The following XRCC4 variants were observed in gnomAD, a reference collection of about 807,000 sequenced individuals.
XRCC4 encodes the protein X-ray repair cross complementing 4.
Under a neutral mutation model 39.1 loss-of-function variants are expected in XRCC4, and 28 were observed. The ratio of observed to expected loss-of-function variants is 0.72; its 90% CI spans 0.53 to 0.98. The LOEUF (loss-of-function observed/expected upper bound fraction) is 0.98. Among genes scored for constraint, XRCC4 ranks in the 50% least tolerant of loss-of-function variants. The pLI is 0.00. For synonymous variants in XRCC4, 123 were observed against 126.4 expected (o/e 0.97, Z 0.18); for missense variants, 350 against 376.4 (o/e 0.93, Z 0.58).
At chr5:83,276,297 G>A (rs1754330470) in intron 7 of XRCC4, among the ~76,000 whole-genome samples, 2 of 152,208 alleles carry the variant, frequency 1.3e-5, no homozygotes, top group African/African-American at 4.8e-5. Context: ...AAGCTATGAT[G>A]TTTGGTAGAT....
At chr5:83,275,174 G>A (rs1056574119) in intron 7 of XRCC4, among the ~76,000 whole-genome samples, 4 of 152,126 alleles carry the variant, frequency 2.6e-5, no homozygotes, top group Admixed American at 6.5e-5. Flanking sequence ...GGAATCAGGA[G>A]GATTCCTATA....
rs181561181 is a variant in XRCC4 at position 83,078,367 on chromosome 5, C to T, written c.-11+752C>T. On this transcript the variant is annotated intron_variant, in intron 1 of 7. Coordinates refer to ENST00000396027, the MANE Select transcript of XRCC4 (RefSeq NM_003401.5). The stretch of plus-strand genomic sequence containing the variant: ...AAATGAGAGTTTTTCACTCTTTGCC[C>T]CCTTATGGCAAGCTTTTGGTTCTAA... 2.3e-4 allele frequency among the ~76,000 whole-genome samples: 35 copies of T among 152,256 alleles called. No individual in the cohort carries two copies. The East Asian group carries it at 6.7e-3, about 29-fold the overall frequency.
At chr5:83,268,209 G>A (rs909580106) in intron 7 of XRCC4, among the ~76,000 whole-genome samples, 1 of 152,214 alleles carries the variant, frequency 6.6e-6, no homozygotes, top group Non-Finnish European at 1.5e-5. Flanking sequence ...AGAAACATTC[G>A]AGGTTGCTAT....
chr5:83,220,886 T>C (rs1277153253), intron 6 of XRCC4, among the ~76,000 whole-genome samples: 1 of 152,204 alleles, frequency 6.6e-6, no homozygotes. Flanking sequence ...TGTTGATCCT[T>C]TCTGCGAACT....
intron 1 of XRCC4, among the ~76,000 whole-genome samples, chr5:83,102,635 T>A (rs1745995083): frequency 1.3e-5 from 2 of 152,120 alleles, no homozygotes; most frequent in South Asian, 4.1e-4. Flanking sequence ...TAAGCTTGGT[T>A]AACTACCATT....
intron 1 of XRCC4, among the ~76,000 whole-genome samples, chr5:83,080,872 A>G (rs4266384): frequency 0.43 from 66,090 of 152,142 alleles, 14,758 homozygotes; most frequent in South Asian, 0.53. Context: ...TAAGGAAGAA[A>G]AGAAATCCTA....
At chr5:83,220,263 A>G (rs1160742743) in intron 6 of XRCC4, among the ~76,000 whole-genome samples, 1 of 152,156 alleles carries the variant, frequency 6.6e-6, no homozygotes, top group African/African-American at 2.4e-5. Context: ...ACAGCAAACC[A>G]TGACTGAGTT....
intron 3 of XRCC4, among the ~76,000 whole-genome samples, chr5:83,189,357 T>G (rs558812109): frequency 4.6e-5 from 7 of 152,282 alleles, no homozygotes; most frequent in African/African-American, 9.6e-5. Flanking sequence ...TAAATAAGAA[T>G]TCTTAGATGA....
At chr5:83,129,682 G>A (rs1747463743) in intron 3 of XRCC4, among the ~76,000 whole-genome samples, 1 of 151,904 alleles carries the variant, frequency 6.6e-6, no homozygotes, top group African/African-American at 2.4e-5. Context: ...CCTTGAAGAG[G>A]TCCTTCGCAT....
intron 6 of XRCC4, among the ~76,000 whole-genome samples, chr5:83,209,239 T>C (rs1009195140): frequency 6.6e-6 from 1 of 151,986 alleles, no homozygotes; most frequent in African/African-American, 2.4e-5. Context: ...AGGAGAAACA[T>C]TGTTAAACTA....
chr5:83,160,381 A>C (rs1305142129), intron 3 of XRCC4, among the ~76,000 whole-genome samples: 1 of 152,138 alleles, frequency 6.6e-6, no homozygotes, highest in Admixed American at 6.5e-5. Flanking sequence ...ATCTATTATT[A>C]ATTATAATTT....
chr5:83,332,266 C>G (rs953423287), intron 7 of XRCC4, among the ~76,000 whole-genome samples: 7 of 146,150 alleles, frequency 4.8e-5, no homozygotes, highest in South Asian at 2.1e-4. Flanking sequence ...CACACACACA[C>G]AGAAAGAGAG....
intron 4 of XRCC4, among the ~76,000 whole-genome samples, chr5:83,196,202 C>A (rs1234924343): frequency 2.0e-5 from 3 of 151,798 alleles, no homozygotes; most frequent in Non-Finnish European, 2.9e-5. Flanking sequence ...CCCATTAATA[C>A]TAATAAAAGA....
chr5:83,082,265 C>T (rs1744978288), intron 1 of XRCC4, among the ~76,000 whole-genome samples: 1 of 152,034 alleles, frequency 6.6e-6, no homozygotes, highest in African/African-American at 2.4e-5. Flanking sequence ...TGTGTATTTA[C>T]ATGTAAGATT....
chr5:83,331,208 A>G (rs918262844), intron 7 of XRCC4, among the ~76,000 whole-genome samples: 2 of 152,092 alleles, frequency 1.3e-5, no homozygotes, highest in African/African-American at 4.8e-5. Context: ...TTAAGTATAG[A>G]GTTCCATTTC....
chr5:83,289,528 C>T (rs1014930591), intron 7 of XRCC4, among the ~76,000 whole-genome samples: 1 of 151,876 alleles, frequency 6.6e-6, no homozygotes, highest in African/African-American at 2.4e-5. Flanking sequence ...CTAAATTCTT[C>T]TCAGAGATAG....
intron 6 of XRCC4, among the ~76,000 whole-genome samples, chr5:83,255,353 T>C (rs1398118304): frequency 6.6e-6 from 1 of 152,200 alleles, no homozygotes; most frequent in Non-Finnish European, 1.5e-5. Context: ...CTGTTTCCCA[T>C]GGTGCAAACA....
intron 6 of XRCC4, among the ~76,000 whole-genome samples, chr5:83,221,295 A>G (rs1419472749): frequency 1.3e-5 from 2 of 152,128 alleles, no homozygotes; most frequent in Admixed American, 6.6e-5. Flanking sequence ...TAACAATTCT[A>G]TGAGGTATAT....
intron 3 of XRCC4, among the ~76,000 whole-genome samples, chr5:83,117,058 T>C (rs1580242791): frequency 1.3e-5 from 2 of 152,224 alleles, no homozygotes; most frequent in East Asian, 3.8e-4. Context: ...AAAACTTCCC[T>C]TAGGCTTTAA....
Sources: gnomAD v4.1 joint callset for allele counts (sites outside exome capture counted in the v4.1 genomes callset) on GRCh38, gnomAD v4.1.1 for gene constraint, MANE v1.5 for transcripts, NCBI Gene and HGNC (gene_info 2026-07-23, HGNC 2026-07-21) for gene names.